VAV3: variants seen among roughly 807,000 people sequenced by gnomAD.
VAV3 encodes the protein guanine nucleotide exchange factor VAV3.
VAV3 carries 94 observed loss-of-function variants against 131.2 expected under a neutral mutation model. The observed-to-expected ratio is 0.72, with a 90% CI of 0.61 to 0.85. The LOEUF (loss-of-function observed/expected upper bound fraction) is 0.85, where lower values mean the gene tolerates loss of function less well. Ranked by LOEUF, VAV3 falls within the 40% of genes least tolerant of loss-of-function variation. VAV3 has a pLI of 0.00. For synonymous variants in VAV3, 349 were observed against 342.0 expected (o/e 1.02, Z -0.22); for missense variants, 939 against 1,002.7 (o/e 0.94, Z 0.86).
chr1:107,821,436 A>G (rs1316364479), intron 2 of VAV3, among the ~76,000 whole-genome samples: 1 of 152,240 alleles, frequency 6.6e-6, no homozygotes, highest in Non-Finnish European at 1.5e-5. Context: ...CCCAACTCAG[A>G]TAGAAGAAGC....
chr1:107,949,908 C>T (rs1231354932), intron 1 of VAV3, among the ~76,000 whole-genome samples: 1 of 152,192 alleles, frequency 6.6e-6, no homozygotes, highest in East Asian at 1.9e-4. Context: ...TCTAGACCAA[C>T]TTTTTCTATC....
At chr1:107,585,949 C>T (rs1223997385) in intron 25 of VAV3, among the ~76,000 whole-genome samples, 3 of 152,112 alleles carry the variant, frequency 2.0e-5, no homozygotes, top group African/African-American at 4.8e-5. Flanking sequence ...GAAAGAAGTG[C>T]TTCTAGAGCC....
At chr1:107,900,248 C>T (rs1671788581) in intron 1 of VAV3, among the ~76,000 whole-genome samples, 3 of 152,148 alleles carry the variant, frequency 2.0e-5, no homozygotes, top group African/African-American at 4.8e-5. Flanking sequence ...GAAGTGAAAA[C>T]GTGGTACAGT....
chr1:107,633,567 T>C (rs1428228946), intron 20 of VAV3, among the ~76,000 whole-genome samples: 1 of 152,188 alleles, frequency 6.6e-6, no homozygotes, highest in East Asian at 1.9e-4. Context: ...CACTGTTATT[T>C]TGGTATCCTG....
intron 1 of VAV3, among the ~76,000 whole-genome samples, chr1:107,941,873 C>G (rs2101272969): frequency 6.6e-6 from 1 of 152,130 alleles, no homozygotes; most frequent in Non-Finnish European, 1.5e-5. Context: ...ATCTCCCCTA[C>G]CAAAAAAAAT....
At chr1:107,759,567 G>C (rs1664303283) in intron 10 of VAV3, among the ~76,000 whole-genome samples, 1 of 152,108 alleles carries the variant, frequency 6.6e-6, no homozygotes, top group East Asian at 1.9e-4. Context: ...AACATTTCTA[G>C]AATTTTTACC....
intron 2 of VAV3, among the ~76,000 whole-genome samples, chr1:107,845,565 G>A (rs1668924884): frequency 6.6e-6 from 1 of 150,736 alleles, no homozygotes; most frequent in Admixed American, 6.6e-5. Context: ...AAAGTTAGAG[G>A]AATTGCTAAC....
chr1:107,926,812 T>A lies in VAV3; in HGVS notation c.204+37854A>T, dbSNP rs985976698. On this transcript the variant is annotated intron_variant, in intron 1 of 26. Transcript: ENST00000370056. Reference sequence around the variant, plus strand: ...GTCAGAACTTGAGGTCCCACAAGCCTCACCACCACAGGCTAAAGTGCTCTA... The same window carrying A: ...GTCAGAACTTGAGGTCCCACAAGCCACACCACCACAGGCTAAAGTGCTCTA... Among the ~76,000 whole-genome samples the A allele has an allele frequency of 2.6e-5, 4 of 152,082 alleles. No homozygotes were observed. The South Asian group carries it at 8.3e-4, about 32-fold the overall frequency.
At chr1:107,624,797 T>C (rs1570634765) in intron 20 of VAV3, among the ~76,000 whole-genome samples, 2 of 152,364 alleles carry the variant, frequency 1.3e-5, no homozygotes, top group African/African-American at 2.4e-5. Flanking sequence ...GAAAAGTTTA[T>C]TGACTTCCTA....
At chr1:107,786,809 A>C (rs577238895) in intron 2 of VAV3, among the ~76,000 whole-genome samples, 1 of 152,286 alleles carries the variant, frequency 6.6e-6, no homozygotes, top group South Asian at 2.1e-4. Context: ...TGTTCATAGC[A>C]ATTTCCAGAC....
intron 1 of VAV3, among the ~76,000 whole-genome samples, chr1:107,880,394 G>A (rs918717542): frequency 6.6e-6 from 1 of 152,140 alleles, no homozygotes; most frequent in Non-Finnish European, 1.5e-5. Flanking sequence ...ACACTTCTCT[G>A]GACAAGAGCG....
chr1:107,823,037 GGA>G (rs1169848158), intron 2 of VAV3, among the ~76,000 whole-genome samples: 6 of 152,120 alleles, frequency 3.9e-5, no homozygotes, highest in African/African-American at 1.4e-4. Context: ...CTGTGGGAAT[GGA>G]TATTCAGAGT....
Position 107,602,496 on chromosome 1 carries a change from G to T in VAV3, c.2133-12C>A. 1 of 1,549,700 alleles carries T rather than the reference G, an allele frequency of 6.5e-7. No homozygotes were observed. The highest frequency in any genetic ancestry group is 1.2e-5 in the South Asian group (1 of 82,026). ...CTTCATTATTGTACCTGTGGGCAAT[G>T]AATAACTTATGAATATAAATGTGTT... On this transcript the variant is annotated splice_polypyrimidine_tract_variant and intron_variant, in intron 23 of 26. Coordinates refer to ENST00000370056, the MANE Select transcript of VAV3 (RefSeq NM_006113.5).
intron 1 of VAV3, among the ~76,000 whole-genome samples, chr1:107,893,184 T>C (rs1437228685): frequency 2.6e-5 from 4 of 152,228 alleles, no homozygotes; most frequent in South Asian, 4.1e-4. Flanking sequence ...AGTATAACTT[T>C]ATTTAGTGAC....
chr1:107,711,568 T>C (rs372441741), intron 15 of VAV3, among the ~76,000 whole-genome samples: 14 of 152,302 alleles, frequency 9.2e-5, no homozygotes, highest in African/African-American at 3.4e-4. Context: ...CTTCTAAAGA[T>C]AGCAAATTCG....
chr1:107,606,922 G>A (rs956860153), intron 22 of VAV3, among the ~76,000 whole-genome samples: 3 of 144,554 alleles, frequency 2.1e-5, no homozygotes, highest in African/African-American at 7.7e-5. Flanking sequence ...CTGTGTGTGT[G>A]AGCACCAAAA....
At chr1:107,842,435 G>A (rs550164612) in intron 2 of VAV3, among the ~76,000 whole-genome samples, 1 of 152,300 alleles carries the variant, frequency 6.6e-6, no homozygotes, top group South Asian at 2.1e-4. Flanking sequence ...TTTCAGGTGT[G>A]TCTCTTATAA....
intron 17 of VAV3, among the ~76,000 whole-genome samples, chr1:107,690,893 G>A (rs960463424): frequency 1.5e-4 from 23 of 152,236 alleles, no homozygotes; most frequent in African/African-American, 4.8e-4. Flanking sequence ...AGAGCTGTTT[G>A]CACTCTGATC....
intron 22 of VAV3, among the ~76,000 whole-genome samples, chr1:107,608,833 T>C (rs1652500820): frequency 6.6e-6 from 1 of 152,220 alleles, no homozygotes; most frequent in South Asian, 2.1e-4. Context: ...CAACTAGTAC[T>C]ATATATTCCC....
Sources: gnomAD v4.1 joint callset for allele counts (sites outside exome capture counted in the v4.1 genomes callset) on GRCh38, gnomAD v4.1.1 for gene constraint, MANE v1.5 for transcripts, NCBI Gene and HGNC (gene_info 2026-07-23, HGNC 2026-07-21) for gene names.